Variants in SORBS2 observed in about 807,000 individuals in gnomAD.
The protein encoded by SORBS2 is sorbin and SH3 domain containing 2.
A neutral mutation model predicts 97.7 loss-of-function variants in SORBS2; 46 were observed. The observed-to-expected ratio is 0.47, with a 90% CI of 0.37 to 0.60. The LOEUF (loss-of-function observed/expected upper bound fraction) is 0.60. SORBS2 is among the 20% of genes least tolerant of loss of function. The pLI is 0.00. For synonymous variants in SORBS2, 476 were observed against 473.4 expected, an observed-to-expected ratio of 1.01 and a Z score of -0.07; for missense variants, 1,316 against 1,282.3, an observed-to-expected ratio of 1.03 and a Z score of -0.40.
rs750386062 is a variant in SORBS2, at chr4:185,606,016, C to T, written c.2796+5764G>A. The T allele has an allele frequency of 8.5e-6, 7 of 825,986 alleles. No individual in the cohort carries two copies. Among genetic ancestry groups the T allele is most frequent in the East Asian group, 1.2e-4 (1 of 8,066 alleles). The allele number at this position is 825,986 out of a possible 1,614,324, so 51.2% of individuals were successfully genotyped here. ...CAATGTGAAGTCAACACAAAGAGAA[C>T]GACCTCTTTAGAAAATCGAAAGGGG... On this transcript the variant is annotated intron_variant, in intron 12 of 14. Transcript: ENST00000418609. This position sits in a 1 kb window ranked among gnomAD's most constrained non-coding sequence, Gnocchi z 4.3.
At chr4:185,955,397 G>T (rs2099279068) in intron 1 of SORBS2, among the ~76,000 whole-genome samples, 2 of 152,166 alleles carry the variant, frequency 1.3e-5, no homozygotes, top group African/African-American at 4.8e-5. Context: ...TAGTTCAACT[G>T]CATGGTACAT....
chr4:185,899,287 G>A (rs1389631889), intron 1 of SORBS2, among the ~76,000 whole-genome samples: 1 of 152,178 alleles, frequency 6.6e-6, no homozygotes, highest in Non-Finnish European at 1.5e-5. Context: ...TTAGTCAGAT[G>A]GTTAAGGTCT....
intron 1 of SORBS2, among the ~76,000 whole-genome samples, chr4:185,852,557 T>C (rs1048404447): frequency 1.3e-5 from 2 of 152,224 alleles, no homozygotes; most frequent in African/African-American, 2.4e-5. Context: ...ACGGTTTTGA[T>C]ATGGCTGTAG....
chr4:185,915,666 C>G (rs921838361), intron 1 of SORBS2, among the ~76,000 whole-genome samples: 2 of 152,140 alleles, frequency 1.3e-5, no homozygotes, highest in Non-Finnish European at 2.9e-5. Flanking sequence ...ATGTGCTACA[C>G]TTGTACTGGT....
chr4:185,660,934 A>AT (rs147862991), upstream of SORBS2, among the ~76,000 whole-genome samples: 1,234 of 152,028 alleles, frequency 8.1e-3, 37 homozygotes, highest in East Asian at 0.11. Context: ...TCAATTTCGT[A>AT]TTTTTTTTGA....
rs543373610 is a variant in SORBS2, at chr4:185,798,075, A to C, written c.-337-22709T>G. On this transcript the variant is annotated intron_variant, in intron 1 of 20. Transcript: ENST00000284776. ...ACCACTGAACATACGCAGCCTGGAG[A>C]ATCAGAGGTGCACGGTGTGTGCCTT... Among the ~76,000 whole-genome samples the C allele has an allele frequency of 1.4e-4, 21 of 152,256 alleles. No homozygotes were observed. The East Asian group carries it at 4.1e-3, about 29-fold the overall frequency.
chr4:185,934,698 C>T (rs918619336), intron 1 of SORBS2, among the ~76,000 whole-genome samples: 7 of 151,472 alleles, frequency 4.6e-5, no homozygotes, highest in African/African-American at 1.7e-4. Flanking sequence ...GCAAGAGAAT[C>T]GCTTGAACCC....
chr4:185,938,745 C>T (rs1008031771), intron 1 of SORBS2, among the ~76,000 whole-genome samples: 3 of 152,044 alleles, frequency 2.0e-5, no homozygotes, highest in East Asian at 1.9e-4. Flanking sequence ...TGCTTTCCCC[C>T]CCAGCAGCCT....
At chr4:185,686,968 G>A (rs1167280272) in intron 2 of SORBS2, among the ~76,000 whole-genome samples, 3 of 152,162 alleles carry the variant, frequency 2.0e-5, no homozygotes, top group African/African-American at 7.2e-5. Context: ...TATTCCTTTT[G>A]ATGACATCAT....
chr4:185,884,630 T>C (rs1470143411), intron 1 of SORBS2, among the ~76,000 whole-genome samples: 1 of 152,142 alleles, frequency 6.6e-6, no homozygotes, highest in Non-Finnish European at 1.5e-5. Flanking sequence ...CAGGACTGGA[T>C]CTGAGCAGGC....
rs752528767 is a variant in SORBS2, at chr4:185,644,525, G to A, written c.396+2143C>T. 2.6e-5 allele frequency among the ~76,000 whole-genome samples: 4 copies of A among 152,152 alleles called. No homozygotes were observed. In the East Asian group the frequency reaches 7.7e-4, roughly 29 times the overall value. Reference sequence around the variant, plus strand: ...ACACCTGGAGTGGCTGTACAGCAGCGACCAAGTGCACCAGGCATCAGTATG... The same window carrying A: ...ACACCTGGAGTGGCTGTACAGCAGCAACCAAGTGCACCAGGCATCAGTATG... On this transcript the variant is annotated intron_variant, in intron 4 of 14. Coordinates refer to ENST00000418609, the Ensembl canonical transcript of SORBS2.
chr4:185,761,403 T>C (rs1361105124), intron 2 of SORBS2: 4 of 152,240 alleles, frequency 2.6e-5, no homozygotes. Context: ...ATAATGTATA[T>C]ATGCTACTAT....
chr4:185,879,318 C>T (rs1425072485), intron 1 of SORBS2, among the ~76,000 whole-genome samples: 1 of 151,866 alleles, frequency 6.6e-6, no homozygotes, highest in Admixed American at 6.6e-5. Context: ...TGGTTTCCAG[C>T]TTCATCCATG....
chr4:185,604,750 G>T (rs1242411007), intron 12 of SORBS2, among the ~76,000 whole-genome samples: 1 of 152,120 alleles, frequency 6.6e-6, no homozygotes, highest in East Asian at 1.9e-4. Flanking sequence ...TCGCATGGGG[G>T]TGGCTGGAGA....
At chr4:185,853,331 C>CAT (rs1337919977) in intron 1 of SORBS2, among the ~76,000 whole-genome samples, 21 of 152,164 alleles carry the variant, frequency 1.4e-4, no homozygotes, top group Non-Finnish European at 2.1e-4. Context: ...TTTCCAAATA[C>CAT]ATATATATAT....
At chr4:185,691,094 G>T (rs2098084890) in intron 2 of SORBS2, among the ~76,000 whole-genome samples, 1 of 152,042 alleles carries the variant, frequency 6.6e-6, no homozygotes. Flanking sequence ...TAGAGACGGG[G>T]TTTCACTATG....
intron 1 of SORBS2, among the ~76,000 whole-genome samples, chr4:185,862,919 G>A (rs757684492): frequency 1.3e-5 from 2 of 152,124 alleles, no homozygotes; most frequent in East Asian, 1.9e-4. Context: ...GTACCCATCC[G>A]CCTTCTCTTG....
intron 2 of SORBS2, among the ~76,000 whole-genome samples, chr4:185,754,408 C>A (rs189575979): frequency 3.3e-5 from 5 of 152,184 alleles, no homozygotes; most frequent in African/African-American, 1.2e-4. Context: ...CACACAGTAA[C>A]CCCCGTAACA....
exon 11 of SORBS2, chr4:185,614,883 A>G (rs2096604610): frequency 1.2e-6 from 2 of 1,614,098 alleles, no homozygotes; most frequent in African/African-American, 1.3e-5. Flanking sequence ...GTATTTGGCT[A>G]TAGCTTCTCC....
Sources: gnomAD v4.1 joint callset for allele counts (sites outside exome capture counted in the v4.1 genomes callset) on GRCh38, gnomAD v4.1.1 for gene constraint, Gnocchi (gnomAD v3.1) non-coding constraint, MANE v1.5 for transcripts, NCBI Gene and HGNC (gene_info 2026-07-23, HGNC 2026-07-21) for gene names.